Variants in BCAS3 observed in about 807,000 individuals in gnomAD.
BCAS3 encodes the protein BCAS4/BCAS3 fusion.
BCAS3 carries 53 observed loss-of-function variants against 116.1 expected under a neutral mutation model. The ratio of observed to expected loss-of-function variants is 0.46; its 90% CI spans 0.37 to 0.57. The LOEUF (loss-of-function observed/expected upper bound fraction) is 0.57, where lower values mean the gene tolerates loss of function less well. BCAS3 is among the 20% of genes least tolerant of loss of function. The pLI, the probability that BCAS3 is intolerant of heterozygous loss-of-function variation, is 0.00. For missense variants in BCAS3, 917 were observed against 1,165.4 expected (o/e 0.79, Z 3.10); for synonymous variants, 391 against 408.2 (o/e 0.96, Z 0.51).
At chr17:61,120,890 G>A (rs1448472250) in intron 22 of BCAS3, among the ~76,000 whole-genome samples, 1 of 151,920 alleles carries the variant, frequency 6.6e-6, no homozygotes, top group Non-Finnish European at 1.5e-5. Context: ...TAATATGTAA[G>A]TTTATCCTCC....
At chr17:61,383,349 T>A (rs1452804753) in intron 23 of BCAS3, 1 of 152,280 alleles carries the variant, frequency 6.6e-6, no homozygotes, top group Non-Finnish European at 1.5e-5. Flanking sequence ...CAGGGTATTA[T>A]GACACCCTCA....
At chr17:60,793,047 A>G (rs912046319) in intron 6 of BCAS3, among the ~76,000 whole-genome samples, 3 of 151,984 alleles carry the variant, frequency 2.0e-5, no homozygotes, top group South Asian at 2.1e-4. Flanking sequence ...AGGTTCATCC[A>G]TGTTGTAGCA....
In BCAS3 at chr17:61,261,683, C is replaced by T. The variant is rs571479914; in HGVS notation, c.2426-106644C>T. Among the ~76,000 whole-genome samples the T allele has an allele frequency of 5.3e-5, 8 of 152,100 alleles. No individual in the cohort carries two copies. Among genetic ancestry groups the T allele is most frequent in the Non-Finnish European group, 7.4e-5 (5 of 68,026 alleles). Reference sequence around the variant, plus strand: ...GTTGCATATACAGGAATTGGTTGAACCTTATTGTTTAAATTAGCTATACCC... The same window carrying T: ...GTTGCATATACAGGAATTGGTTGAATCTTATTGTTTAAATTAGCTATACCC... On this transcript the variant is annotated intron_variant, in intron 22 of 23. Transcript: ENST00000407086. This position sits in a 1 kb window ranked among gnomAD's most constrained non-coding sequence, Gnocchi z 4.4.
At chr17:60,718,104 G>A (rs982062609) in intron 5 of BCAS3, among the ~76,000 whole-genome samples, 3 of 152,284 alleles carry the variant, frequency 2.0e-5, no homozygotes, top group Non-Finnish European at 2.9e-5. Context: ...AGTAATGTGC[G>A]CGATGGAGAG....
At position 60,995,464 on chromosome 17, in the gene BCAS3, A is replaced by G. The variant is rs569285092; in HGVS notation, c.1486+5229A>G. The stretch of plus-strand genomic sequence containing the variant: ...GACATGAGCCACCGCGCCCAGCCGA[A>G]TTTTTGTATTTTAAGTAGAGACTGG... On this transcript the variant is annotated intron_variant, in intron 15 of 23. Coordinates refer to ENST00000407086, the MANE Select transcript of BCAS3 (RefSeq NM_017679.5). This position sits in a 1 kb window ranked among gnomAD's most constrained non-coding sequence, Gnocchi z 4.7. Among the ~76,000 whole-genome samples, 35 of 151,330 alleles carry G rather than the reference A, an allele frequency of 2.3e-4. No individual in the cohort carries two copies. Among genetic ancestry groups the G allele is most frequent in the African/African-American group, 8.0e-4 (33 of 41,202 alleles).
rs2047559744 is a variant in BCAS3, at chr17:61,241,964, C to G, written c.2426-126363C>G. Among the ~76,000 whole-genome samples, 1 of 152,014 alleles carries G rather than the reference C, an allele frequency of 6.6e-6. No individual in the cohort carries two copies. The highest frequency in any genetic ancestry group is 1.5e-5 in the Non-Finnish European group (1 of 67,988). On this transcript the variant is annotated intron_variant, in intron 22 of 23. Transcript: ENST00000407086. The surrounding 1 kb of genome is among the most constrained non-coding windows in gnomAD (Gnocchi z 4.6). ...AGTATATCTGGGACCAGAAATGGCT[C>G]TTGTTATCCAAGGTAAAGAATCCAA...
chr17:60,923,837 C>G (rs9915606), intron 12 of BCAS3, among the ~76,000 whole-genome samples: 45,481 of 152,008 alleles, frequency 0.3, 10,507 homozygotes, highest in African/African-American at 0.65. Flanking sequence ...TTTATGATTT[C>G]ATAGTCATTT....
intron 7 of BCAS3, among the ~76,000 whole-genome samples, chr17:60,848,307 G>C (rs1029343430): frequency 1.3e-5 from 2 of 152,032 alleles, no homozygotes; most frequent in African/African-American, 4.8e-5. Context: ...GTTTAGGATT[G>C]GATTTCTCAT....
chr17:60,812,775 G>A (rs971840207), intron 7 of BCAS3, among the ~76,000 whole-genome samples: 2 of 151,794 alleles, frequency 1.3e-5, no homozygotes, highest in African/African-American at 2.4e-5. Flanking sequence ...AGTCTCCCTC[G>A]GTCACCCAGG....
rs549742424 is a variant in BCAS3, at chr17:61,324,696, C to T, written c.2426-43631C>T. Among the ~76,000 whole-genome samples, 40 of 152,102 alleles carry T rather than the reference C, an allele frequency of 2.6e-4. No homozygotes were observed. The highest frequency in any genetic ancestry group is 8.7e-4 in the African/African-American group (36 of 41,508). On this transcript the variant is annotated intron_variant, in intron 22 of 23. Coordinates refer to ENST00000407086, the MANE Select transcript of BCAS3 (RefSeq NM_017679.5). The surrounding 1 kb of genome is among the most constrained non-coding windows in gnomAD (Gnocchi z 4.6). ...ATTTCCTCTCCCTCATCTCATTTGC[C>T]TTGTTTATAAAATGGTATCCAGCCA...
chr17:60,714,056 C>A (rs920380080), intron 5 of BCAS3, among the ~76,000 whole-genome samples: 3 of 152,028 alleles, frequency 2.0e-5, no homozygotes, highest in African/African-American at 7.2e-5. Context: ...AGGCTGGTTT[C>A]GAACTCCTGA....
At position 60,994,112 on chromosome 17, in the gene BCAS3, A is replaced by G. The variant is rs967301342; in HGVS notation, c.1486+3877A>G. Among the ~76,000 whole-genome samples, 11 of 152,018 alleles carry G rather than the reference A, an allele frequency of 7.2e-5. No individual in the cohort carries two copies. The highest frequency in any genetic ancestry group is 1.6e-4 in the Non-Finnish European group (11 of 67,968). ...TGGAAAATACATGACAAAAACATTA[A>G]CAGTGCTTGTGACACTGTTACCAAT... On this transcript the variant is annotated intron_variant, in intron 15 of 23. Transcript: ENST00000407086. The surrounding 1 kb of genome is among the most constrained non-coding windows in gnomAD (Gnocchi z 4.4).
intron 7 of BCAS3, among the ~76,000 whole-genome samples, chr17:60,823,186 T>G (rs2050106245): frequency 6.6e-6 from 1 of 152,188 alleles, no homozygotes; most frequent in Admixed American, 6.5e-5. Context: ...GTAGATGTGG[T>G]AGTACTGTCA....
chr17:61,366,767 C>T lies in BCAS3; in HGVS notation c.2426-1560C>T, dbSNP rs1603088893. 6.6e-6 allele frequency among the ~76,000 whole-genome samples: 1 copy of T among 152,332 alleles called. No individual in the cohort carries two copies. Among genetic ancestry groups the T allele is most frequent in the East Asian group, 1.9e-4 (1 of 5,186 alleles). ...TGCCCTTATAGATGCTGCCCATTCTCCCAGTGCCAGGAATCTTCCCTACAA... is the reference window on the plus strand; with the variant it reads ...TGCCCTTATAGATGCTGCCCATTCTTCCAGTGCCAGGAATCTTCCCTACAA... On this transcript the variant is annotated intron_variant, in intron 22 of 23. Transcript: ENST00000407086. This position sits in a 1 kb window ranked among gnomAD's most constrained non-coding sequence, Gnocchi z 4.5.
At chr17:60,687,620 G>C (rs140838727) in intron 3 of BCAS3, among the ~76,000 whole-genome samples, 150 of 151,906 alleles carry the variant, frequency 9.9e-4, no homozygotes, top group African/African-American at 3.2e-3. Context: ...TACAAAAACA[G>C]AAACCCAAAA....
intron 6 of BCAS3, among the ~76,000 whole-genome samples, chr17:60,788,016 T>G (rs1300983547): frequency 1.3e-5 from 2 of 152,142 alleles, no homozygotes; most frequent in African/African-American, 2.4e-5. Flanking sequence ...GTTTGAGTTC[T>G]CATATGTTGC....
chr17:60,827,538 A>G (rs914915572), intron 7 of BCAS3, among the ~76,000 whole-genome samples: 8 of 152,182 alleles, frequency 5.3e-5, no homozygotes, highest in African/African-American at 1.9e-4. Context: ...CATATAGTAT[A>G]AAGCTACATG....
At chr17:60,872,601 A>C (rs955864049) in intron 8 of BCAS3, among the ~76,000 whole-genome samples, 1 of 150,050 alleles carries the variant, frequency 6.7e-6, no homozygotes, top group African/African-American at 2.5e-5. Context: ...ATGGACACAC[A>C]CCCCATATCT....
Position 61,381,228 on chromosome 17 carries a change from T to C in BCAS3, c.2594-10749T>C, listed in dbSNP as rs1245091009. 1.3e-5 allele frequency among the ~76,000 whole-genome samples: 2 copies of C among 152,200 alleles called. No individual in the cohort carries two copies. Among genetic ancestry groups the C allele is most frequent in the Non-Finnish European group, 2.9e-5 (2 of 68,030 alleles). On this transcript the variant is annotated intron_variant, in intron 23 of 23. Coordinates refer to ENST00000407086, the MANE Select transcript of BCAS3 (RefSeq NM_017679.5). This position sits in a 1 kb window ranked among gnomAD's most constrained non-coding sequence, Gnocchi z 6.0. ...GATATCTTAATACACCAAAGTGGAA[T>C]TGCATTTCTAGATTTGTTATTCCTC...
Sources: gnomAD v4.1 joint callset for allele counts (sites outside exome capture counted in the v4.1 genomes callset) on GRCh38, gnomAD v4.1.1 for gene constraint, Gnocchi (gnomAD v3.1) non-coding constraint, MANE v1.5 for transcripts, NCBI Gene and HGNC (gene_info 2026-07-23, HGNC 2026-07-21) for gene names.